CSGALNACT1: variants seen among roughly 807,000 people sequenced by gnomAD.
CSGALNACT1 encodes the protein chondroitin sulfate N-acetylgalactosaminyltransferase 1.
In CSGALNACT1, 52 loss-of-function variants were observed where a neutral mutation model predicts 51.0. The observed-to-expected ratio is 1.02, with a 90% CI of 0.82 to 1.29. The LOEUF is 1.29. CSGALNACT1 is among the 50% of genes most tolerant of loss of function. The pLI is 0.00. For missense variants in CSGALNACT1, 935 were observed against 679.2 expected, an observed-to-expected ratio of 1.38 and a Z score of -4.19; for synonymous variants, 341 against 254.4, an observed-to-expected ratio of 1.34 and a Z score of -3.24.
In CSGALNACT1 at chr8:19,481,826, A is replaced by G. The variant is rs148277793; in HGVS notation, c.635-23184T>C. On this transcript the variant is annotated intron_variant, in intron 4 of 9. Transcript: ENST00000454498. The stretch of plus-strand genomic sequence containing the variant: ...AAGCCAACAAACATGTATCAAACCC[A>G]TCTTATGTGCAAAGCTAAAACTTAT... 3.4e-3 allele frequency among the ~76,000 whole-genome samples: 524 copies of G among 152,284 alleles called. 3 individuals carry two copies. Among genetic ancestry groups the G allele is most frequent in the African/African-American group, 0.012 (500 of 41,544 alleles).
chr8:19,714,162 A>G (rs959195677), intron 1 of CSGALNACT1, among the ~76,000 whole-genome samples: 2 of 152,078 alleles, frequency 1.3e-5, no homozygotes, highest in African/African-American at 4.8e-5. Flanking sequence ...ACTCCTGTTG[A>G]TCTCTTGCTC....
At chr8:19,456,910 C>T (rs987874428) in intron 5 of CSGALNACT1, among the ~76,000 whole-genome samples, 3 of 152,188 alleles carry the variant, frequency 2.0e-5, no homozygotes, top group African/African-American at 4.8e-5. Context: ...TATTTGAAAA[C>T]TTATGATGTT....
intron 6 of CSGALNACT1, among the ~76,000 whole-genome samples, chr8:19,432,421 T>A (rs953554079): frequency 2.6e-5 from 4 of 152,208 alleles, no homozygotes; most frequent in Non-Finnish European, 5.9e-5. Context: ...TTTCTATGAA[T>A]TTATTCTATT....
At chr8:19,567,912 G>A (rs923056469) in intron 3 of CSGALNACT1, among the ~76,000 whole-genome samples, 1 of 152,048 alleles carries the variant, frequency 6.6e-6, no homozygotes, top group Non-Finnish European at 1.5e-5. Flanking sequence ...AAAATATAAA[G>A]TACCTAGAAA....
At chr8:19,695,216 G>A (rs1371800107) in intron 1 of CSGALNACT1, among the ~76,000 whole-genome samples, 1 of 152,028 alleles carries the variant, frequency 6.6e-6, no homozygotes, top group Non-Finnish European at 1.5e-5. Context: ...TTCATTTCAA[G>A]CTTCTACAGA....
chr8:19,491,634 T>C (rs1051357182), intron 4 of CSGALNACT1, among the ~76,000 whole-genome samples: 1 of 152,240 alleles, frequency 6.6e-6, no homozygotes, highest in African/African-American at 2.4e-5. Context: ...TTGTGATCCG[T>C]TCATCTTTTG....
intron 3 of CSGALNACT1, chr8:19,587,994 C>T (rs1465381473): frequency 6.6e-6 from 1 of 152,106 alleles, no homozygotes; most frequent in African/African-American, 2.4e-5. Context: ...AGTTTGAGAC[C>T]AGCCTGGTCA....
intron 1 of CSGALNACT1, among the ~76,000 whole-genome samples, chr8:19,674,757 G>A (rs187211718): frequency 5.6e-4 from 85 of 152,288 alleles, no homozygotes; most frequent in Non-Finnish European, 7.4e-5. Context: ...GCAGTTAGGA[G>A]GCAGTGATGG....
intron 6 of CSGALNACT1, among the ~76,000 whole-genome samples, chr8:19,428,260 G>T (rs950233415): frequency 5.3e-5 from 8 of 152,088 alleles, no homozygotes; most frequent in Non-Finnish European, 1.2e-4. Context: ...AAGACATATC[G>T]AAGACTGGGT....
At chr8:19,458,734 A>T (rs1279160699) in intron 4 of CSGALNACT1, 92 bp from the exon 4 acceptor site, 1 of 1,171,302 alleles carries the variant, frequency 8.5e-7, no homozygotes, top group Non-Finnish European at 1.3e-6. Context: ...AATGCCTTTA[A>T]AAAGTGTTTA....
intron 1 of CSGALNACT1, among the ~76,000 whole-genome samples, chr8:19,658,328 TG>T (rs2154188777): frequency 6.6e-6 from 1 of 152,324 alleles, no homozygotes; most frequent in East Asian, 1.9e-4. Context: ...ACATCTGTTA[TG>T]GTATTTTGTA....
In CSGALNACT1 at chr8:19,505,855, C is replaced by T; in HGVS notation, c.-21G>A. On this transcript the variant is annotated 5_prime_UTR_variant, in exon 4 of 10. It introduces an in-frame stop codon into an upstream open reading frame of the 5' UTR. Transcript: ENST00000454498. The stretch of plus-strand genomic sequence containing the variant: ...ATCATTCAGGAATCAGCCATGCGTC[C>T]AGAACCGGTGGCATCCCTCAAAGCC... 6.2e-7 allele frequency: 1 copy of T among 1,605,940 alleles called. No individual in the cohort carries two copies. Among genetic ancestry groups the T allele is most frequent in the Non-Finnish European group, 8.5e-7 (1 of 1,179,982 alleles).
chr8:19,611,419 T>C (rs928826985), intron 1 of CSGALNACT1, among the ~76,000 whole-genome samples: 10 of 152,244 alleles, frequency 6.6e-5, no homozygotes, highest in African/African-American at 2.4e-4. Context: ...CTAGCTAGCA[T>C]TTATTGGGCA....
At chr8:19,622,946 T>C (rs1349121002) in intron 1 of CSGALNACT1, among the ~76,000 whole-genome samples, 1 of 152,110 alleles carries the variant, frequency 6.6e-6, no homozygotes, top group African/African-American at 2.4e-5. Context: ...TAAAATAAAA[T>C]TGAAGTATGC....
intron 3 of CSGALNACT1, among the ~76,000 whole-genome samples, chr8:19,526,483 C>G (rs772130107): frequency 6.6e-6 from 1 of 151,964 alleles, no homozygotes; most frequent in Non-Finnish European, 1.5e-5. Context: ...CTCGGGAGAC[C>G]GAGGCAGGAT....
intron 4 of CSGALNACT1, among the ~76,000 whole-genome samples, chr8:19,487,084 T>C (rs1341634319): frequency 1.3e-5 from 2 of 152,248 alleles, no homozygotes; most frequent in Admixed American, 6.5e-5. Context: ...TGCTTTTATA[T>C]AATGCTTCCC....
intron 3 of CSGALNACT1, among the ~76,000 whole-genome samples, chr8:19,521,894 G>T (rs536004495): frequency 2.2e-4 from 33 of 152,348 alleles, no homozygotes; most frequent in African/African-American, 7.7e-4. Flanking sequence ...GCAAGCATCT[G>T]CTCTACCAAT....
At chr8:19,673,544 G>A (rs1022096549) in intron 1 of CSGALNACT1, among the ~76,000 whole-genome samples, 1 of 152,286 alleles carries the variant, frequency 6.6e-6, no homozygotes, top group East Asian at 1.9e-4. Flanking sequence ...TGCACCACAG[G>A]AGAAAAGAGT....
chr8:19,573,981 T>C (rs1202359689), intron 3 of CSGALNACT1, among the ~76,000 whole-genome samples: 2 of 152,204 alleles, frequency 1.3e-5, no homozygotes, highest in Non-Finnish European at 2.9e-5. Flanking sequence ...ATTGCAGTGA[T>C]GCTATGACGG....
Sources: allele counts gnomAD v4.1 joint callset (sites outside exome capture counted in the v4.1 genomes callset), GRCh38; gene constraint gnomAD v4.1.1; transcripts MANE v1.5; gene names NCBI Gene and HGNC (gene_info 2026-07-23, HGNC 2026-07-21).